IGSF21: variants seen among roughly 807,000 people sequenced by gnomAD.
The protein encoded by IGSF21 is immunoglobulin superfamily member 21.
Under a neutral mutation model 46.8 loss-of-function variants are expected in IGSF21, and 28 were observed. The ratio of observed to expected loss-of-function variants is 0.60; its 90% confidence interval spans 0.44 to 0.82. IGSF21 has a LOEUF of 0.82. Ranked by LOEUF, IGSF21 falls within the 40% of genes least tolerant of loss-of-function variation. The pLI, the probability that IGSF21 is intolerant of heterozygous loss-of-function variation, is 0.00. For missense variants in IGSF21, 624 were observed against 665.5 expected (o/e 0.94, Z 0.69); for synonymous variants, 284 against 273.6 (o/e 1.04, Z -0.38).
chr1:18,145,247 G>T (rs2086455190), intron 1 of IGSF21, among the ~76,000 whole-genome samples: 1 of 151,988 alleles, frequency 6.6e-6, no homozygotes, highest in South Asian at 2.1e-4. Context: ...TGGCTAGATG[G>T]CTCCTCCCCA....
chr1:18,109,052 C>G lies in IGSF21; in HGVS notation c.70+854C>G, dbSNP rs2086117799. On this transcript the variant is annotated intron_variant, in intron 1 of 9. Transcript: ENST00000251296. The surrounding 1 kb of genome is among the most constrained non-coding windows in gnomAD (Gnocchi z 4.8). ...GACTTGCTCCCGGGTTAGGCTAAGA[C>G]AGCTAGAAGGAGGTTGAAGCCGAGC... is the stretch of plus-strand genomic sequence containing the variant. Among the ~76,000 whole-genome samples the G allele has an allele frequency of 6.8e-6, 1 of 146,496 alleles. No individual in the cohort carries two copies. Among genetic ancestry groups the G allele is most frequent in the Admixed American group, 6.8e-5 (1 of 14,648 alleles).
At chr1:18,197,366 C>T (rs917455003) in intron 1 of IGSF21, among the ~76,000 whole-genome samples, 29 of 152,284 alleles carry the variant, frequency 1.9e-4, no homozygotes, top group Non-Finnish European at 3.5e-4. Flanking sequence ...GGGAGGCTGA[C>T]CTCGGATTCT....
At chr1:18,285,778 A>C (rs193176825) in intron 2 of IGSF21, among the ~76,000 whole-genome samples, 2 of 152,304 alleles carry the variant, frequency 1.3e-5, no homozygotes, top group East Asian at 3.9e-4. Context: ...CTTCGGACTT[A>C]AGAAAAATAC....
rs925059119 is a variant in IGSF21, at chr1:18,256,283, G to A, written c.183+28273G>A. 3.3e-5 allele frequency among the ~76,000 whole-genome samples: 5 copies of A among 152,182 alleles called. No individual in the cohort carries two copies. The South Asian group carries it at 1.0e-3, about 32-fold the overall frequency. Reference sequence around the variant, plus strand: ...GGGTGAGATGCTTCTGCACTGAGACGCAACTGCACTGCAATGGTTCCCTGT... The same window carrying A: ...GGGTGAGATGCTTCTGCACTGAGACACAACTGCACTGCAATGGTTCCCTGT... On this transcript the variant is annotated intron_variant, in intron 2 of 9. Transcript: ENST00000251296.
intron 1 of IGSF21, among the ~76,000 whole-genome samples, chr1:18,138,512 A>G (rs1262005008): frequency 6.6e-6 from 1 of 152,168 alleles, no homozygotes; most frequent in African/African-American, 2.4e-5. Context: ...TGACCCCAGG[A>G]GGTAGCAGCA....
At chr1:18,243,674 C>T (rs2084755392) in intron 2 of IGSF21, among the ~76,000 whole-genome samples, 1 of 152,192 alleles carries the variant, frequency 6.6e-6, no homozygotes, top group Non-Finnish European at 1.5e-5. Context: ...CCCTTTCTGG[C>T]CTCGCCCACT....
chr1:18,322,133 A>G lies in IGSF21; in HGVS notation c.306-12759A>G, dbSNP rs2085608796. Reference sequence around the variant, plus strand: ...CTTTCCCTGAGAATTGAATGAGATCAGTTTTCAGTGCCTCGCACAGGGTCT... The same window carrying G: ...CTTTCCCTGAGAATTGAATGAGATCGGTTTTCAGTGCCTCGCACAGGGTCT... On this transcript the variant is annotated intron_variant, in intron 3 of 9. Coordinates refer to ENST00000251296, the MANE Select transcript of IGSF21 (RefSeq NM_032880.5). This position sits in a 1 kb window ranked among gnomAD's most constrained non-coding sequence, Gnocchi z 4.3. Among the ~76,000 whole-genome samples the G allele has an allele frequency of 6.6e-6, 1 of 152,180 alleles. No homozygotes were observed. Among genetic ancestry groups the G allele is most frequent in the South Asian group, 2.1e-4 (1 of 4,826 alleles).
chr1:18,376,342 C>T lies in IGSF21; in HGVS notation c.1048C>T (p.Pro350Ser). The T allele has an allele frequency of 6.2e-7, 1 of 1,613,950 alleles. No homozygotes were observed. The highest frequency in any genetic ancestry group is 8.5e-7 in the Non-Finnish European group (1 of 1,179,912). ...CAAAGGACCCAAAATTGTGATGACG[C>T]CCAGCAGAGCCCGGGTAGGGGACAC... ...APKGPKIVMT[P>S]SRARVGDTVR... Residue 350 changes from proline to serine, a missense_variant, in exon 7 of 10, where the codon CCC becomes TCC. Coordinates refer to ENST00000251296, the MANE Select transcript of IGSF21 (RefSeq NM_032880.5).
At chr1:18,214,569 T>C (rs1007916509) in intron 1 of IGSF21, among the ~76,000 whole-genome samples, 1 of 152,096 alleles carries the variant, frequency 6.6e-6, no homozygotes, top group African/African-American at 2.4e-5. Flanking sequence ...TGAAACTGGG[T>C]AATTTATAAA....
At chr1:18,108,261 G>T (rs955274255) in intron 1 of IGSF21, 63 bp downstream of exon 1, 4 of 1,304,424 alleles carry the variant, frequency 3.1e-6, no homozygotes, top group Admixed American at 4.1e-5. Flanking sequence ...GGGTGCCGGG[G>T]GAGGGCGCTG....
chr1:18,326,220 C>T (rs2085656778), intron 3 of IGSF21, among the ~76,000 whole-genome samples: 1 of 152,202 alleles, frequency 6.6e-6, no homozygotes, highest in Admixed American at 6.5e-5. Flanking sequence ...AGGGCATGAC[C>T]CTGAACTTGG....
At chr1:18,329,104 A>T (rs1306254541) in intron 3 of IGSF21, among the ~76,000 whole-genome samples, 1 of 152,256 alleles carries the variant, frequency 6.6e-6, no homozygotes. Flanking sequence ...TTCAGAGACC[A>T]GAGAGCTCAA....
intron 1 of IGSF21, among the ~76,000 whole-genome samples, chr1:18,192,980 G>C (rs1399134280): frequency 6.6e-6 from 1 of 151,954 alleles, no homozygotes; most frequent in Admixed American, 6.6e-5. Context: ...CTGGAATCCT[G>C]GTCCTCACAG....
intron 1 of IGSF21, among the ~76,000 whole-genome samples, chr1:18,117,967 T>A (rs2086201777): frequency 6.6e-6 from 1 of 152,206 alleles, no homozygotes; most frequent in Non-Finnish European, 1.5e-5. Flanking sequence ...GTCCCAGGGC[T>A]TGGCCAGGTG....
chr1:18,147,945 T>C (rs2124431126), intron 1 of IGSF21, among the ~76,000 whole-genome samples: 1 of 152,206 alleles, frequency 6.6e-6, no homozygotes, highest in South Asian at 2.1e-4. Flanking sequence ...GTAAGTCTCA[T>C]GAGATCTGAT....
At chr1:18,225,035 A>G (rs910881030) in intron 1 of IGSF21, among the ~76,000 whole-genome samples, 1 of 147,124 alleles carries the variant, frequency 6.8e-6, no homozygotes, top group Non-Finnish European at 1.5e-5. Flanking sequence ...ACTGCACTCC[A>G]GCCTGGATGA....
chr1:18,378,332 C>T lies in IGSF21; in HGVS notation c.*6C>T, dbSNP rs986955321. 9.3e-6 allele frequency: 15 copies of T among 1,612,494 alleles called. No homozygotes were observed. Among genetic ancestry groups the T allele is most frequent in the Non-Finnish European group, 1.2e-5 (14 of 1,179,034 alleles). On this transcript the variant is annotated 3_prime_UTR_variant, in exon 10 of 10. Coordinates refer to ENST00000251296, the MANE Select transcript of IGSF21 (RefSeq NM_032880.5). ...TGATTCTGGAGCTGACGTGAAGGCA[C>T]CCGCCCCGGCCACTCCATCAGGCAC...
At chr1:18,179,051 C>T (rs987139404) in intron 1 of IGSF21, 2 of 152,272 alleles carry the variant, frequency 1.3e-5, no homozygotes, top group African/African-American at 4.8e-5. Flanking sequence ...GGGGGACTCA[C>T]CAATAGATGG....
intron 1 of IGSF21, among the ~76,000 whole-genome samples, chr1:18,147,529 C>T (rs1485846994): frequency 6.6e-6 from 1 of 151,986 alleles, no homozygotes; most frequent in Non-Finnish European, 1.5e-5. Context: ...TGAAATGTCA[C>T]CTCCTTCCCC....
Sources: gnomAD v4.1 joint callset for allele counts (sites outside exome capture counted in the v4.1 genomes callset) on GRCh38, gnomAD v4.1.1 for gene constraint, Gnocchi (gnomAD v3.1) non-coding constraint, MANE v1.5 for transcripts, NCBI Gene and HGNC (gene_info 2026-07-23, HGNC 2026-07-21) for gene names.